PPIL2: variants seen among roughly 807,000 people sequenced by gnomAD.
PPIL2 encodes the protein peptidylprolyl isomerase like 2.
Under a neutral mutation model 75.2 loss-of-function variants are expected in PPIL2, and 50 were observed. That is an observed-to-expected ratio of 0.66 (90% CI 0.53 to 0.84). The LOEUF (loss-of-function observed/expected upper bound fraction) is 0.84, where lower values mean the gene tolerates loss of function less well. Ranked by LOEUF, PPIL2 falls within the 40% of genes least tolerant of loss-of-function variation. PPIL2 has a pLI of 0.00. For missense variants in PPIL2, 590 were observed against 685.0 expected, an observed-to-expected ratio of 0.86 and a Z score of 1.55; for synonymous variants, 245 against 258.8, an observed-to-expected ratio of 0.95 and a Z score of 0.51.
intron 10 of PPIL2, 43 bp downstream of exon 10, chr22:21,684,956 C>G: frequency 6.2e-7 from 1 of 1,605,912 alleles, no homozygotes; most frequent in Non-Finnish European, 8.5e-7. Flanking sequence ...GCCCCGTCTT[C>G]CTGCCCATCT....
At chr22:21,690,893 AT>A (rs2067590998) in intron 15 of PPIL2, among the ~76,000 whole-genome samples, 1 of 131,510 alleles carries the variant, frequency 7.6e-6, no homozygotes, top group Admixed American at 7.7e-5. Flanking sequence ...TCATTTTATT[AT>A]TTTTTATTTC....
Position 21,684,831 on chromosome 22 carries a change from T to G in PPIL2, c.632T>G (p.Leu211Arg). ...NAETRETLQE[L>R]YKEFKGDEIL... ...GAGACCCGAGAGACCCTGCAGGAGCTCTACAAGGAGTTCAAAGGGGACGAG... is the reference window on the plus strand; with the variant it reads ...GAGACCCGAGAGACCCTGCAGGAGCGCTACAAGGAGTTCAAAGGGGACGAG... Residue 211 changes from leucine (L) to arginine (R), a missense_variant, in exon 10 of 20, where the codon CTC (leucine) becomes CGC (arginine). Transcript: ENST00000398831. 6.2e-7 allele frequency: 1 copy of G among 1,614,046 alleles called. No individual in the cohort carries two copies. Among genetic ancestry groups the G allele is most frequent in the South Asian group, 1.1e-5 (1 of 91,064 alleles).
Position 21,696,991 on chromosome 22 carries a change from C to A in PPIL2, c.*1501C>A. 1 of 1,550,992 alleles carries A rather than the reference C, an allele frequency of 6.4e-7. No homozygotes were observed. Among genetic ancestry groups the A allele is most frequent in the Non-Finnish European group, 8.7e-7 (1 of 1,147,356 alleles). On this transcript the variant is annotated 3_prime_UTR_variant, in exon 20 of 20. Transcript: ENST00000398831. ...ACAAGAACTGCGCCATGGCTGGCTCCTTCTCTTCTCCAGCCCATCCCTCTG... is the reference window on the plus strand; with the variant it reads ...ACAAGAACTGCGCCATGGCTGGCTCATTCTCTTCTCCAGCCCATCCCTCTG...
chr22:21,675,616 T>C (rs2066808995), intron 6 of PPIL2, among the ~76,000 whole-genome samples: 1 of 152,144 alleles, frequency 6.6e-6, no homozygotes, highest in Non-Finnish European at 1.5e-5. Context: ...GAACCTGTGG[T>C]GTTGGGAACT....
chr22:21,669,947 G>C lies in PPIL2; in HGVS notation c.67G>C (p.Gly23Arg). ...ITCAEYTHFYGGKKPDLPQTN... is the reference protein window; with the variant it reads ...ITCAEYTHFYRGKKPDLPQTN... ...CTGTGCTGAATACACTCACTTTTATGGTGGCAAGAAGCCAGGTAAGGCATG... is the reference window on the plus strand; with the variant it reads ...CTGTGCTGAATACACTCACTTTTATCGTGGCAAGAAGCCAGGTAAGGCATG... The change falls in exon 2 of 20, where the codon GGT becomes CGT. Residue 23 changes from glycine (G) to arginine (R), a missense_variant. Transcript: ENST00000398831. 6.2e-7 allele frequency: 1 copy of C among 1,613,976 alleles called. No homozygotes were observed. The highest frequency in any genetic ancestry group is 8.5e-7 in the Non-Finnish European group (1 of 1,179,856).
At chr22:21,683,156 T>G (rs760388788) in intron 8 of PPIL2, 26 bp from the exon 9 acceptor site, 6 of 1,593,566 alleles carry the variant, frequency 3.8e-6, no homozygotes, top group Non-Finnish European at 5.2e-6. Flanking sequence ...GGGTTCACTC[T>G]GCTGGGCATT....
At chr22:21,669,806 A>G (rs1160777209) in intron 1 of PPIL2, 107 bp from the exon 2 acceptor site, 4 of 1,184,696 alleles carry the variant, frequency 3.4e-6, no homozygotes, top group East Asian at 2.4e-5. Flanking sequence ...GCCCCATAGT[A>G]GGTATTTAGT....
intron 5 of PPIL2, 60 bp from the exon 6 acceptor site, chr22:21,675,004 G>A (rs1036938255): frequency 1.4e-5 from 20 of 1,439,942 alleles, no homozygotes; most frequent in Non-Finnish European, 1.6e-5. Flanking sequence ...TCTGACCCTA[G>A]CATCTCTGTG....
intron 9 of PPIL2, 151 bp from the exon 10 acceptor site, chr22:21,684,602 G>A (rs1188887701): frequency 2.1e-5 from 19 of 902,696 alleles, no homozygotes; most frequent in Non-Finnish European, 3.0e-5. Context: ...CAGGCCTGTA[G>A]CGGGGCACTG....
chr22:21,694,531 GC>G (rs1198020851), intron 16 of PPIL2, 61 bp from the exon 17 acceptor site: 1 of 1,583,260 alleles, frequency 6.3e-7, no homozygotes, highest in Non-Finnish European at 8.7e-7. Flanking sequence ...GTGCCTTGGG[GC>G]TCAGCCGTGG....
intron 9 of PPIL2, 114 bp from the exon 10 acceptor site, chr22:21,684,639 G>A (rs941776377): frequency 8.3e-6 from 11 of 1,328,938 alleles, no homozygotes; most frequent in South Asian, 7.5e-5. Context: ...GCAGTGGCAC[G>A]GTGCCTGCGC....
rs1406630870 is a variant in PPIL2 at position 21,672,369 on chromosome 22, C to G, written c.231C>G (p.Pro77=). 7 of 1,610,332 alleles carry G rather than the reference C, an allele frequency of 4.3e-6. No homozygotes were observed. The highest frequency in any genetic ancestry group is 5.9e-6 in the Non-Finnish European group (7 of 1,176,652). Residue 77 remains proline (P), a synonymous_variant, in exon 5 of 20, where the codon CCC becomes CCG. Coordinates refer to ENST00000398831, the MANE Select transcript of PPIL2 (RefSeq NM_014337.4). ...GGCTTAAGAAGTACGGGACCAACCCCAGCAATGGAGAGGTAGGTGGCTGTG... is the reference window on the plus strand; with the variant it reads ...GGCTTAAGAAGTACGGGACCAACCCGAGCAATGGAGAGGTAGGTGGCTGTG... The part of the protein sequence containing the change: ...VPWLKKYGTN[P]SNGEKLDGRS...
chr22:21,686,388 G>A (rs1255466757), intron 10 of PPIL2, 95 bp from the exon 11 acceptor site: 6 of 1,188,254 alleles, frequency 5.0e-6, no homozygotes, highest in Non-Finnish European at 7.5e-6. Context: ...CTGGGGGGCA[G>A]GGGTGGCGTG....
At chr22:21,669,444 T>C (rs1345802617) in intron 1 of PPIL2, 3 of 422,384 alleles carry the variant, frequency 7.1e-6, no homozygotes, top group African/African-American at 2.0e-5. Flanking sequence ...CCACTGTGCC[T>C]GGTCTCCATG....
At position 21,696,854 on chromosome 22, in the gene PPIL2, C is replaced by T. The variant is rs2067957501; in HGVS notation, c.*1364C>T. On this transcript the variant is annotated 3_prime_UTR_variant, in exon 20 of 20. Coordinates refer to ENST00000398831, the MANE Select transcript of PPIL2 (RefSeq NM_014337.4). The stretch of plus-strand genomic sequence containing the variant: ...TGGATGCTGGGTGGCGCCTCATCTG[C>T]ATCTCTGCCTCACCCCATCCACTGC... 2 of 1,579,994 alleles carry T rather than the reference C, an allele frequency of 1.3e-6. No individual in the cohort carries two copies. Among genetic ancestry groups the T allele is most frequent in the Non-Finnish European group, 1.7e-6 (2 of 1,163,646 alleles).
chr22:21,688,709 T>C (rs769289888), intron 14 of PPIL2, 23 bp from the exon 15 acceptor site: 2 of 1,606,016 alleles, frequency 1.2e-6, no homozygotes, highest in African/African-American at 2.7e-5. Flanking sequence ...GCTTTCCTGC[T>C]CCCATGGGCC....
chr22:21,671,604 C>CA (rs1267822737), intron 4 of PPIL2, among the ~76,000 whole-genome samples: 1 of 151,790 alleles, frequency 6.6e-6, no homozygotes. Context: ...GACAGGGTCT[C>CA]ACTATGTTGC....
intron 14 of PPIL2, 51 bp downstream of exon 14, chr22:21,688,157 GCATGAGGGGGTAGCT>G: frequency 6.2e-7 from 1 of 1,609,404 alleles, no homozygotes; most frequent in Non-Finnish European, 8.5e-7. Context: ...GCTCCGTGGG[GCATGAGGGGGTAGCT>G]GGGCAGGGGT....
Position 21,696,804 on chromosome 22 carries a change from T to G in PPIL2, c.*1314T>G, listed in dbSNP as rs1196477499. 6.4e-7 allele frequency: 1 copy of G among 1,551,964 alleles called. No homozygotes were observed. The highest frequency in any genetic ancestry group is 2.0e-5 in the Admixed American group (1 of 51,138). ...TCTCATCAATCACTGATGCTGAAGC[T>G]GCAGGCCTGAGCCCTTTGTCTCCCT... On this transcript the variant is annotated 3_prime_UTR_variant, in exon 20 of 20. Coordinates refer to ENST00000398831, the MANE Select transcript of PPIL2 (RefSeq NM_014337.4).
Sources: gnomAD v4.1 joint callset for allele counts (sites outside exome capture counted in the v4.1 genomes callset) on GRCh38, gnomAD v4.1.1 for gene constraint, MANE v1.5 for transcripts, NCBI Gene and HGNC (gene_info 2026-07-23, HGNC 2026-07-21) for gene names.